DMXL2: variants seen among roughly 807,000 people sequenced by gnomAD.
DMXL2 encodes dmX-like protein 2.
Under a neutral mutation model 331.1 loss-of-function variants are expected in DMXL2, and 103 were observed. The observed-to-expected ratio is 0.31, with a 90% confidence interval of 0.27 to 0.37. DMXL2 has a LOEUF of 0.37. DMXL2 is among the 10% of genes least tolerant of loss of function. The pLI is 1.00. For missense variants in DMXL2, 3,171 were observed against 3,642.9 expected (o/e 0.87, Z 3.33); for synonymous variants, 1,281 against 1,252.1 (o/e 1.02, Z -0.49).
chr15:51,471,299 A>G lies in DMXL2; in HGVS notation c.7316T>C (p.Val2439Ala). ...TTTGTAAGATGGTCTTTCTGCAGGC[A>G]CCGGTGGTGGGGTAGCATCTTTTAC... is the stretch of plus-strand genomic sequence containing the variant. ...RPVKDATPPPVPAERPSYKEK... is the reference protein window; with the variant it reads ...RPVKDATPPPAPAERPSYKEK... Residue 2439 changes from valine (V) to alanine (A), a missense_variant, in exon 29 of 44, where the codon GTG becomes GCG. Around this residue, in one of 7 missense-constraint regions of DMXL2, gnomAD observed 766 missense variants for 940.5 expected, o/e 0.81. Transcript: ENST00000560891. 6 of 1,614,048 alleles carry G rather than the reference A, an allele frequency of 3.7e-6. No individual in the cohort carries two copies. The highest frequency in any genetic ancestry group is 5.1e-6 in the Non-Finnish European group (6 of 1,179,958).
intron 9 of DMXL2, 149 bp downstream of exon 9, chr15:51,542,184 A>T (rs2048633707): frequency 2.7e-6 from 2 of 739,764 alleles, no homozygotes; most frequent in Non-Finnish European, 4.3e-6. Context: ...CCAATTCAAA[A>T]AATGGTACTT....
chr15:51,499,720 T>C lies in DMXL2; in HGVS notation c.3504A>G (p.Leu1168=). Reference sequence around the variant, plus strand: ...CTTTTGATACCCAGTCCAAATGTACTAAATGTTTGATATTCGGAATAAGAT... The same window carrying C: ...CTTTTGATACCCAGTCCAAATGTACCAAATGTTTGATATTCGGAATAAGAT... ...DRYLIPNIKH[L]VHLDWVSKED... The change falls in exon 18 of 44, where the codon TTA becomes TTG. Residue 1168 remains leucine (L), a synonymous_variant. Transcript: ENST00000560891. 1.2e-6 allele frequency: 2 copies of C among 1,614,104 alleles called. No homozygotes were observed. Among genetic ancestry groups the C allele is most frequent in the African/African-American group, 1.3e-5 (1 of 75,058 alleles).
At position 51,602,151 on chromosome 15, in the gene DMXL2, G is replaced by C. The variant is rs569156189; in HGVS notation, c.87+20308C>G. ...TGCGGTAAGAAGAATGGAGTTTGAAGTTCACTATTCTAGCAGAGTTTCCCA... is the reference window on the plus strand; with the variant it reads ...TGCGGTAAGAAGAATGGAGTTTGAACTTCACTATTCTAGCAGAGTTTCCCA... On this transcript the variant is annotated intron_variant, in intron 1 of 43. Transcript: ENST00000560891. Among the ~76,000 whole-genome samples, 7 of 152,284 alleles carry C rather than the reference G, an allele frequency of 4.6e-5. No homozygotes were observed. The East Asian group carries it at 1.4e-3, about 29-fold the overall frequency.
At chr15:51,511,738 C>A (rs1596068876) in intron 15 of DMXL2, among the ~76,000 whole-genome samples, 1 of 152,188 alleles carries the variant, frequency 6.6e-6, no homozygotes, top group East Asian at 1.9e-4. Flanking sequence ...GACACATGCA[C>A]ATGTATGTTT....
chr15:51,600,133 T>C (rs1406343825), intron 1 of DMXL2, among the ~76,000 whole-genome samples: 1 of 152,236 alleles, frequency 6.6e-6, no homozygotes, highest in African/African-American at 2.4e-5. Context: ...TGCCTTGGCA[T>C]TCGTTTCAAG....
chr15:51,476,655 T>C lies in DMXL2; in HGVS notation c.6898A>G (p.Arg2300Gly), dbSNP rs1198548513. 1.2e-6 allele frequency: 2 copies of C among 1,611,828 alleles called. No individual in the cohort carries two copies. The highest frequency in any genetic ancestry group is 1.7e-5 in the Admixed American group (1 of 59,554). Residue 2300 changes from arginine (R) to glycine (G), a missense_variant, in exon 27 of 44, where the codon AGA (arginine) becomes GGA (glycine). Around this residue, in one of 7 missense-constraint regions of DMXL2, gnomAD observed 766 missense variants for 940.5 expected, o/e 0.81. Transcript: ENST00000560891. Reference protein sequence around the residue: ...AYQGLLLSDRRRLRTESIEEH... With the variant: ...AYQGLLLSDRGRLRTESIEEH... Reference sequence around the variant, plus strand: ...TCAATGCTTTCTGTCCTTAGTCTTCTACGATCACTTAAAAGAAGTCCTTGA... The same window carrying C: ...TCAATGCTTTCTGTCCTTAGTCTTCCACGATCACTTAAAAGAAGTCCTTGA...
intron 17 of DMXL2, 141 bp downstream of exon 17, chr15:51,502,665 C>T: frequency 1.5e-6 from 1 of 652,224 alleles, no homozygotes. Context: ...ACCATCTAGA[C>T]ATATCATTAA....
intron 1 of DMXL2, among the ~76,000 whole-genome samples, chr15:51,606,994 C>T (rs184990094): frequency 7.2e-5 from 11 of 152,100 alleles, no homozygotes; most frequent in Admixed American, 2.0e-4. Flanking sequence ...CCTGTCCCTA[C>T]TAAAAATTTA....
At chr15:51,532,793 A>G (rs2048078084) in intron 13 of DMXL2, among the ~76,000 whole-genome samples, 1 of 152,198 alleles carries the variant, frequency 6.6e-6, no homozygotes, top group East Asian at 1.9e-4. Flanking sequence ...CTTATTCAAC[A>G]TGGAGTTGGA....
chr15:51,597,077 TAATAAA>T (rs1055413237), intron 1 of DMXL2, among the ~76,000 whole-genome samples: 5 of 151,970 alleles, frequency 3.3e-5, no homozygotes, highest in South Asian at 2.1e-4. Context: ...ATAATAATAA[TAATAAA>T]AAAGCAGACA....
In DMXL2 at chr15:51,568,473, T is replaced by C. The variant is rs1366767359; in HGVS notation, c.285+14A>G. 2.1e-6 allele frequency: 3 copies of C among 1,461,132 alleles called. No homozygotes were observed. The African/African-American group carries it at 4.3e-5, about 21-fold the overall frequency. 90.5% of individuals were successfully genotyped at this position (1,461,132 alleles called of 1,614,324 possible). A position where few individuals can be genotyped will look rare whatever the true frequency, so the allele number is the denominator to read the frequency against. On this transcript the variant is annotated intron_variant, in intron 3 of 43. Coordinates refer to ENST00000560891, the MANE Select transcript of DMXL2 (RefSeq NM_001378457.1). Reference sequence around the variant, plus strand: ...CTAGATTCTAAAAGTATTCTATTATTGGTTAATACTTACACAATTTCTTTT... The same window carrying C: ...CTAGATTCTAAAAGTATTCTATTATCGGTTAATACTTACACAATTTCTTTT...
chr15:51,507,507 G>A (rs745359575), intron 15 of DMXL2, among the ~76,000 whole-genome samples: 10 of 152,080 alleles, frequency 6.6e-5, no homozygotes, highest in African/African-American at 1.2e-4. Context: ...GACATTTTGA[G>A]CATCAAAGAA....
At chr15:51,586,287 T>A (rs1485028948) in intron 1 of DMXL2, among the ~76,000 whole-genome samples, 1 of 151,974 alleles carries the variant, frequency 6.6e-6, no homozygotes, top group Non-Finnish European at 1.5e-5. Context: ...AAATGCAAAA[T>A]TAACAAAATT....
chr15:51,622,204 G>A (rs1177222551), intron 1 of DMXL2, among the ~76,000 whole-genome samples: 1 of 152,214 alleles, frequency 6.6e-6, no homozygotes, highest in Non-Finnish European at 1.5e-5. Context: ...AGTCACCTCA[G>A]GCCCGTTTGC....
chr15:51,482,454 A>C (rs966752075), intron 23 of DMXL2, among the ~76,000 whole-genome samples: 2 of 152,196 alleles, frequency 1.3e-5, no homozygotes, highest in African/African-American at 4.8e-5. Flanking sequence ...CTATATGTGC[A>C]TGAGAAATAG....
intron 1 of DMXL2, among the ~76,000 whole-genome samples, chr15:51,607,077 G>C (rs2141366873): frequency 6.6e-6 from 1 of 151,762 alleles, no homozygotes; most frequent in Admixed American, 6.6e-5. Flanking sequence ...AGAATCGCTT[G>C]AACCTGGGAG....
chr15:51,547,135 T>C (rs979364221), intron 7 of DMXL2, 95 bp downstream of exon 7: 3 of 1,134,516 alleles, frequency 2.6e-6, no homozygotes, highest in African/African-American at 1.6e-5. Context: ...GCCTATGCTA[T>C]TAATTGCCAC....
Position 51,517,130 on chromosome 15 carries a change from T to C in DMXL2, c.2474A>G (p.Gln825Arg), listed in dbSNP as rs771843111. 3 of 1,614,104 alleles carry C rather than the reference T, an allele frequency of 1.9e-6. No individual in the cohort carries two copies. Among genetic ancestry groups the C allele is most frequent in the Admixed American group, 1.7e-5 (1 of 60,016 alleles). ...AATGCAGCCAGGTCGAGCAGTAGACTGTTGGCTCACAATATTAAACACTTC... is the reference window on the plus strand; with the variant it reads ...AATGCAGCCAGGTCGAGCAGTAGACCGTTGGCTCACAATATTAAACACTTC... ...IGEVFNIVSQ[Q>R]STARPGCIIE... The change falls in exon 14 of 44, where the codon CAG becomes CGG. Residue 825 changes from glutamine to arginine, a missense_variant. Transcript: ENST00000560891.
At chr15:51,517,047 G>A (rs567094367) in intron 14 of DMXL2, 31 bp downstream of exon 14, 12 of 1,541,500 alleles carry the variant, frequency 7.8e-6, no homozygotes, top group South Asian at 6.7e-5. Context: ...TAAAGTATAC[G>A]AATATCACCA....
Sources: allele counts gnomAD v4.1 joint callset (sites outside exome capture counted in the v4.1 genomes callset), GRCh38; gene constraint gnomAD v4.1.1; regional missense constraint gnomAD v4.1.1; transcripts MANE v1.5; gene names NCBI Gene and HGNC (gene_info 2026-07-23, HGNC 2026-07-21).